CCDC18: variants seen among roughly 807,000 people sequenced by gnomAD.
CCDC18 encodes coiled-coil domain containing 18.
CCDC18 carries 157 observed loss-of-function variants against 196.0 expected under a neutral mutation model. The observed-to-expected ratio is 0.80, with a 90% CI of 0.70 to 0.91. The LOEUF (loss-of-function observed/expected upper bound fraction) is 0.91. Among genes scored for constraint, CCDC18 ranks in the 40% least tolerant of loss-of-function variants. The pLI is 0.00. For synonymous variants in CCDC18, 482 were observed against 529.2 expected (o/e 0.91, Z 1.22); for missense variants, 1,465 against 1,611.6 (o/e 0.91, Z 1.56).
intron 8 of CCDC18, among the ~76,000 whole-genome samples, chr1:93,206,210 A>C (rs1353649036): frequency 6.6e-6 from 1 of 152,120 alleles, no homozygotes; most frequent in Non-Finnish European, 1.5e-5. Flanking sequence ...GGAAGCAATC[A>C]ATGACTGATT....
intron 23 of CCDC18, among the ~76,000 whole-genome samples, chr1:93,249,950 A>G (rs536103549): frequency 7.9e-5 from 12 of 152,116 alleles, no homozygotes; most frequent in African/African-American, 2.9e-4. Flanking sequence ...AGACATTAAA[A>G]TTTTTTTTAA....
chr1:93,274,291 T>C (rs1665511120), intron 28 of CCDC18, among the ~76,000 whole-genome samples: 1 of 151,950 alleles, frequency 6.6e-6, no homozygotes, highest in African/African-American at 2.4e-5. Context: ...TAATCCCAGC[T>C]GCTCAGGAGG....
intron 26 of CCDC18, among the ~76,000 whole-genome samples, chr1:93,261,825 G>C (rs1663837927): frequency 6.6e-6 from 1 of 151,870 alleles, no homozygotes; most frequent in African/African-American, 2.4e-5. Context: ...TAAGTATCTT[G>C]TATTAGTCCA....
intron 23 of CCDC18, 68 bp from the exon 24 acceptor site, chr1:93,254,403 G>C: frequency 8.4e-7 from 1 of 1,193,340 alleles, no homozygotes; most frequent in Non-Finnish European, 1.2e-6. Context: ...TGACTTACTT[G>C]GAACACAGCA....
At chr1:93,206,184 A>C (rs1402436951) in intron 8 of CCDC18, among the ~76,000 whole-genome samples, 2 of 151,988 alleles carry the variant, frequency 1.3e-5, no homozygotes, top group Non-Finnish European at 2.9e-5. Flanking sequence ...TGTTAATTTA[A>C]AAAAAAGGGG....
At chr1:93,186,662 G>A (rs1430000844) in intron 4 of CCDC18, among the ~76,000 whole-genome samples, 159 bp downstream of exon 4, 1 of 151,852 alleles carries the variant, frequency 6.6e-6, no homozygotes, top group Non-Finnish European at 1.5e-5. Flanking sequence ...AATCAATATT[G>A]TATGAATTAT....
chr1:93,248,192 T>C (rs1046850807), intron 23 of CCDC18, among the ~76,000 whole-genome samples: 1 of 151,866 alleles, frequency 6.6e-6, no homozygotes, highest in Non-Finnish European at 1.5e-5. Flanking sequence ...TTTTTGTATT[T>C]TTAGTAGAGA....
At chr1:93,218,889 C>G (rs773172713) in intron 14 of CCDC18, among the ~76,000 whole-genome samples, 1 of 152,172 alleles carries the variant, frequency 6.6e-6, no homozygotes, top group Non-Finnish European at 1.5e-5. Flanking sequence ...TGAAGTCTTG[C>G]TTTGGATGGT....
chr1:93,254,941 CTTTTTT>C (rs34139452), intron 24 of CCDC18, among the ~76,000 whole-genome samples: 9 of 44,270 alleles, frequency 2.0e-4, no homozygotes, highest in African/African-American at 3.0e-4. Flanking sequence ...GAGGAGTCAG[CTTTTTT>C]TTTTTTTTTT....
chr1:93,189,671 G>GT lies in CCDC18; in HGVS notation c.463-2320dup, dbSNP rs568203414. 2.7e-3 allele frequency among the ~76,000 whole-genome samples: 401 copies of GT among 150,104 alleles called. 4 individuals carry two copies. Among genetic ancestry groups the GT allele is most frequent in the Middle Eastern group, 0.01 (3 of 294 alleles). ...TTTTGAATGTAAGCCTTGTTTTTTT[G>GT]TTTTTTTTTGAGACAAGGTCTTGCT... On this transcript the variant is annotated intron_variant, in intron 4 of 28. Coordinates refer to ENST00000690025, the MANE Select transcript of CCDC18 (RefSeq NM_001378204.1).
intron 24 of CCDC18, among the ~76,000 whole-genome samples, chr1:93,254,941 CTTTTTTTTTTTTTTTTT>C (rs34139452): frequency 6.8e-5 from 3 of 44,290 alleles, no homozygotes; most frequent in African/African-American, 3.0e-4. Flanking sequence ...GAGGAGTCAG[CTTTTTTTTTTTTTTTTT>C]TTTTTTTTTT....
intron 6 of CCDC18, among the ~76,000 whole-genome samples, chr1:93,199,212 AC>A (rs1161520925): frequency 6.6e-6 from 1 of 152,172 alleles, no homozygotes; most frequent in Non-Finnish European, 1.5e-5. Context: ...GGCTCGTGCT[AC>A]CACCCTGGAT....
intron 18 of CCDC18, among the ~76,000 whole-genome samples, chr1:93,234,918 C>G (rs1227730124): frequency 7.0e-6 from 1 of 141,968 alleles, no homozygotes; most frequent in Non-Finnish European, 1.5e-5. Context: ...CAAGTGCATA[C>G]CACCATGCCC....
chr1:93,255,859 T>C (rs1391861206), intron 24 of CCDC18, among the ~76,000 whole-genome samples: 1 of 152,158 alleles, frequency 6.6e-6, no homozygotes, highest in African/African-American at 2.4e-5. Flanking sequence ...TTGAGTAATA[T>C]AAAACCATTT....
intron 6 of CCDC18, among the ~76,000 whole-genome samples, chr1:93,200,880 GT>G (rs1417186418): frequency 6.6e-6 from 1 of 152,224 alleles, no homozygotes; most frequent in Non-Finnish European, 1.5e-5. Context: ...ACGTGGGAAG[GT>G]TTTTGTTTGT....
At chr1:93,187,959 A>T (rs1018933064) in intron 4 of CCDC18, among the ~76,000 whole-genome samples, 3 of 152,154 alleles carry the variant, frequency 2.0e-5, no homozygotes, top group Non-Finnish European at 4.4e-5. Context: ...TTTTTCTTCA[A>T]CTGTAGATAA....
chr1:93,203,028 A>G (rs547630076), intron 7 of CCDC18, among the ~76,000 whole-genome samples: 7 of 152,288 alleles, frequency 4.6e-5, no homozygotes, highest in South Asian at 4.1e-4. Context: ...ATCAAAATCT[A>G]TGTTCTAGGA....
rs1665773900 is a variant in CCDC18 at position 93,278,689 on chromosome 1, GCTTT to G, written c.*217_*220del. The G allele has an allele frequency of 9.4e-6, 3 of 320,798 alleles. No individual in the cohort carries two copies. The Admixed American group carries it at 1.5e-4, about 16-fold the overall frequency. The allele number at this position is 320,798 out of a possible 1,614,324, so 19.9% of individuals were successfully genotyped here. A position where few individuals can be genotyped will look rare whatever the true frequency, so the allele number is the denominator to read the frequency against. On this transcript the variant is annotated 3_prime_UTR_variant, in exon 29 of 29. Coordinates refer to ENST00000690025, the MANE Select transcript of CCDC18 (RefSeq NM_001378204.1). ...TATTGTTTTTTGGCTTAAACTTGCT[GCTTT>G]CTTTTGCTTTTTATATAAAAATCAT...
chr1:93,266,478 C>T (rs551146198), intron 27 of CCDC18, among the ~76,000 whole-genome samples: 1 of 152,174 alleles, frequency 6.6e-6, no homozygotes, highest in East Asian at 1.9e-4. Context: ...ACACAAAAAA[C>T]CCTTCAAAAA....
Sources: allele counts gnomAD v4.1 joint callset (sites outside exome capture counted in the v4.1 genomes callset), GRCh38; gene constraint gnomAD v4.1.1; transcripts MANE v1.5; gene names NCBI Gene and HGNC (gene_info 2026-07-23, HGNC 2026-07-21).